The following NLGN4X variants were observed in gnomAD, a reference collection of about 807,000 sequenced individuals.
NLGN4X encodes neuroligin 4 X-linked.
Under a neutral mutation model 40.3 loss-of-function variants are expected in NLGN4X, and 3 were observed. That is an observed-to-expected ratio of 0.07 (90% CI 0.03 to 0.19). NLGN4X has a LOEUF of 0.19. Among genes scored for constraint, NLGN4X ranks in the 10% least tolerant of loss-of-function variants. The probability of loss-of-function intolerance (pLI) is 1.00; values close to 1 mark genes in which losing one functional copy is unlikely to be tolerated. For missense variants in NLGN4X, 382 were observed against 708.3 expected (o/e 0.54, Z 5.23); for synonymous variants, 270 against 306.8 (o/e 0.88, Z 1.25).
chrX:6,120,401 G>A (rs921687479), intron 2 of NLGN4X, among the ~76,000 whole-genome samples: 1 of 111,733 alleles, frequency 8.9e-6, no homozygotes, highest in Non-Finnish European at 1.9e-5. Context: ...TACTGGGAGT[G>A]GCAGAGCTCC....
chrX:5,925,867 T>TAC (rs1422390339), intron 3 of NLGN4X, among the ~76,000 whole-genome samples: 1 of 58,099 alleles, frequency 1.7e-5, no homozygotes, highest in Non-Finnish European at 3.0e-5. Flanking sequence ...TATATATATA[T>TAC]ATATACATAC....
chrX:5,897,863 G>C (rs1369640427), intron 5 of NLGN4X, among the ~76,000 whole-genome samples: 1 of 110,325 alleles, frequency 9.1e-6, no homozygotes, highest in African/African-American at 3.3e-5. Flanking sequence ...TATAAGCAAA[G>C]ATCCAATTGT....
intron 1 of NLGN4X, among the ~76,000 whole-genome samples, chrX:6,159,629 G>A (rs2040343989): frequency 8.9e-6 from 1 of 111,896 alleles, no homozygotes; most frequent in Non-Finnish European, 1.9e-5. Flanking sequence ...GGTAAGCACA[G>A]TCATGGAACC....
chrX:6,039,023 A>G (rs2037091944), intron 2 of NLGN4X, among the ~76,000 whole-genome samples: 1 of 111,472 alleles, frequency 9.0e-6, no homozygotes, highest in African/African-American at 3.3e-5. Context: ...GTTGAATTAC[A>G]GGGTGTAGTC....
chrX:5,932,463 A>T (rs1271220327), intron 3 of NLGN4X, among the ~76,000 whole-genome samples: 1 of 111,801 alleles, frequency 8.9e-6, no homozygotes, highest in Non-Finnish European at 1.9e-5. Flanking sequence ...AGAAAAAAAA[A>T]TTCTTCTACG....
intron 3 of NLGN4X, among the ~76,000 whole-genome samples, chrX:5,953,870 C>T (rs768188634): frequency 7.1e-5 from 8 of 111,903 alleles, no homozygotes; most frequent in Non-Finnish European, 1.3e-4. Context: ...CCCACGGAAG[C>T]CCAAGGCAGG....
rs1277200533 is a variant in NLGN4X, at chrX:5,903,862, G to A, written c.816C>T (p.Leu272=). The change falls in exon 5 of 6, where the codon CTC becomes CTT. Residue 272 remains leucine, a synonymous_variant. Transcript: ENST00000381095. ...LLTLSHYSEG[L]FQKAIIQSGT... is the part of the protein sequence containing the mutation. The stretch of plus-strand genomic sequence containing the variant: ...CGCTCTGAATGATGGCCTTCTGGAA[G>A]AGACCTGCAGGTGCAAAATTGTGGA... 2 of 1,212,021 alleles carry A rather than the reference G, an allele frequency of 1.7e-6. No homozygotes were observed. Among genetic ancestry groups the A allele is most frequent in the Admixed American group, 4.3e-5 (2 of 46,062 alleles).
At chrX:6,021,038 CTCTCTCT>C (rs2036524350) in intron 3 of NLGN4X, among the ~76,000 whole-genome samples, 1 of 23,543 alleles carries the variant, frequency 4.2e-5, no homozygotes, top group Admixed American at 4.7e-4. Flanking sequence ...CTCTCTCTCT[CTCTCTCT>C]CTCCCTCCCT....
At chrX:6,097,526 T>A (rs1234052984) in intron 2 of NLGN4X, among the ~76,000 whole-genome samples, 1 of 111,739 alleles carries the variant, frequency 8.9e-6, no homozygotes. Context: ...TCCCTCTATG[T>A]GAACCCAGAC....
chrX:6,109,994 G>C (rs140577198), intron 2 of NLGN4X, among the ~76,000 whole-genome samples: 1 of 110,557 alleles, frequency 9.0e-6, no homozygotes, highest in East Asian at 2.9e-4. Context: ...GGCTAGTCAA[G>C]CAGCAGAAAA....
rs1258413629 is a variant in NLGN4X at position 6,171,153 on chromosome X, A to G, written c.-305-19382T>C. Among the ~76,000 whole-genome samples, 3 of 112,139 alleles carry G rather than the reference A, an allele frequency of 2.7e-5. No individual in the cohort carries two copies. In the Admixed American group the frequency reaches 2.8e-4, roughly 11 times the overall value. On this transcript the variant is annotated intron_variant, in intron 1 of 5. Transcript: ENST00000381095. Reference sequence around the variant, plus strand: ...CTCTTTAACTTTATTGTAACTGTGCAATTAATAATCACTCCTGAATGAAGC... The same window carrying G: ...CTCTTTAACTTTATTGTAACTGTGCGATTAATAATCACTCCTGAATGAAGC...
At chrX:6,217,829 AG>A (rs1400544361) in intron 1 of NLGN4X, among the ~76,000 whole-genome samples, 2 of 111,504 alleles carry the variant, frequency 1.8e-5, no homozygotes, top group Admixed American at 9.5e-5. Context: ...AGACAGCATG[AG>A]GGGCCTTGTC....
chrX:6,095,622 A>C lies in NLGN4X; in HGVS notation c.472+55373T>G, dbSNP rs975901140. On this transcript the variant is annotated intron_variant, in intron 2 of 5. Transcript: ENST00000381095. ...ACCCCATATATGTTAAGGAACAATA[A>C]GGTAACACAATAGATTAGGCTAGGA... Among the ~76,000 whole-genome samples the C allele has an allele frequency of 1.2e-4, 13 of 112,515 alleles. No individual in the cohort carries two copies. The East Asian group carries it at 3.6e-3, about 31-fold the overall frequency.
intron 2 of NLGN4X, among the ~76,000 whole-genome samples, chrX:6,037,947 C>T (rs2037062059): frequency 1.8e-5 from 2 of 111,856 alleles, no homozygotes; most frequent in African/African-American, 6.5e-5. Context: ...GGTTCATTCA[C>T]TCAGAAGCCA....
chrX:6,016,651 T>C (rs1403464858), intron 3 of NLGN4X, among the ~76,000 whole-genome samples: 1 of 111,831 alleles, frequency 8.9e-6, no homozygotes, highest in Non-Finnish European at 1.9e-5. Context: ...TATATGTCCA[T>C]ACAAAAACTT....
chrX:6,028,984 G>A, intron 3 of NLGN4X, among the ~76,000 whole-genome samples: 1 of 112,440 alleles, frequency 8.9e-6, no homozygotes, highest in Middle Eastern at 4.6e-3. Context: ...CATTGTACAG[G>A]TCTATGTAGA....
chrX:6,109,447 T>C (rs867927255), intron 2 of NLGN4X, among the ~76,000 whole-genome samples: 22 of 112,287 alleles, frequency 2.0e-4, no homozygotes, highest in African/African-American at 2.9e-4. Flanking sequence ...TGTATGGAGA[T>C]TGGGGTTAGC....
At chrX:5,947,165 GAAC>G (rs1024771890) in intron 3 of NLGN4X, among the ~76,000 whole-genome samples, 1 of 111,766 alleles carries the variant, frequency 8.9e-6, no homozygotes, top group African/African-American at 3.3e-5. Flanking sequence ...CTTTATGATG[GAAC>G]AACTTATAAT....
chrX:5,989,921 C>G (rs1266067095), intron 3 of NLGN4X, among the ~76,000 whole-genome samples: 3 of 111,678 alleles, frequency 2.7e-5, no homozygotes, highest in Non-Finnish European at 5.6e-5. Context: ...TAAAATACAA[C>G]TGTAACAATA....
Sources: gnomAD v4.1 joint callset for allele counts (sites outside exome capture counted in the v4.1 genomes callset) on GRCh38, gnomAD v4.1.1 for gene constraint, MANE v1.5 for transcripts, NCBI Gene and HGNC (gene_info 2026-07-23, HGNC 2026-07-21) for gene names.